The following GLS variants were observed in gnomAD, a reference collection of about 807,000 sequenced individuals.
GLS encodes the protein glutaminase, also known as glutaminase kidney isoform, mitochondrial.
Under a neutral mutation model 86.7 loss-of-function variants are expected in GLS, and 36 were observed. The observed-to-expected ratio is 0.42, with a 90% CI of 0.32 to 0.55. The LOEUF (loss-of-function observed/expected upper bound fraction) is 0.55, where lower values mean the gene tolerates loss of function less well. Among genes scored for constraint, GLS ranks in the 20% least tolerant of loss-of-function variants. The probability of loss-of-function intolerance (pLI) is 0.17; values close to 1 mark genes in which losing one functional copy is unlikely to be tolerated. For synonymous variants in GLS, 317 were observed against 305.9 expected (o/e 1.04, Z -0.38); for missense variants, 528 against 833.4 (o/e 0.63, Z 4.51).
chr2:190,960,249 G>A (rs1366051821), intron 17 of GLS, among the ~76,000 whole-genome samples: 4 of 151,962 alleles, frequency 2.6e-5, no homozygotes, highest in African/African-American at 9.7e-5. Context: ...CTTGATGGTG[G>A]TTTGATATGT....
chr2:190,909,055 C>G (rs1045898940), intron 6 of GLS, among the ~76,000 whole-genome samples: 4 of 152,036 alleles, frequency 2.6e-5, no homozygotes, highest in Non-Finnish European at 4.4e-5. Flanking sequence ...CTAATTTATA[C>G]TAATTTAAAC....
At position 190,914,285 on chromosome 2, in the gene GLS, A is replaced by G. The variant is rs1689452559; in HGVS notation, c.1038+3964A>G. 6.6e-6 allele frequency among the ~76,000 whole-genome samples: 1 copy of G among 152,210 alleles called. No homozygotes were observed. The highest frequency in any genetic ancestry group is 2.1e-4 in the South Asian group (1 of 4,834). On this transcript the variant is annotated intron_variant, in intron 7 of 17. Coordinates refer to ENST00000320717, the MANE Select transcript of GLS (RefSeq NM_014905.5). This position sits in a 1 kb window ranked among gnomAD's most constrained non-coding sequence, Gnocchi z 4.4. Reference sequence around the variant, plus strand: ...TGATGTTCAGTTTGGTTATGTTAGCAATAACCTGTTAGGCATGCTTATAAG... The same window carrying G: ...TGATGTTCAGTTTGGTTATGTTAGCGATAACCTGTTAGGCATGCTTATAAG...
At chr2:190,910,072 A>G (rs923483725) in intron 6 of GLS, among the ~76,000 whole-genome samples, 191 bp from the exon 7 acceptor site, 1 of 152,096 alleles carries the variant, frequency 6.6e-6, no homozygotes, top group African/African-American at 2.4e-5. Context: ...TTATTATTCT[A>G]TGTAAATCAC....
At position 190,905,537 on chromosome 2, in the gene GLS, A is replaced by G. The variant is rs1250693535; in HGVS notation, c.979+370A>G. ...AAATGATAGGTGCATGGGTGTTTGT[A>G]TATTATTCTATCTATTATATTGTAT... On this transcript the variant is annotated intron_variant, in intron 6 of 17. Transcript: ENST00000320717. This position sits in a 1 kb window ranked among gnomAD's most constrained non-coding sequence, Gnocchi z 4.6. Among the ~76,000 whole-genome samples the G allele has an allele frequency of 6.6e-6, 1 of 152,062 alleles. No individual in the cohort carries two copies. The highest frequency in any genetic ancestry group is 1.5e-5 in the Non-Finnish European group (1 of 67,928).
chr2:190,933,745 T>C, intron 14 of GLS: 1 of 769,828 alleles, frequency 1.3e-6, no homozygotes, highest in South Asian at 6.0e-5. Context: ...TTTTGGTTTT[T>C]AGCTTTTACA....
rs1204883796 is a variant in GLS at position 190,962,534 on chromosome 2, A to C, written c.1854-296A>C. On this transcript the variant is annotated intron_variant, in intron 17 of 17. Transcript: ENST00000320717. The surrounding 1 kb of genome is among the most constrained non-coding windows in gnomAD (Gnocchi z 4.2). The stretch of plus-strand genomic sequence containing the variant: ...TTCTGGAACCCTAGAGCAGTCTATT[A>C]TATCTGTCACCACAAGGACTTTCCT... Among the ~76,000 whole-genome samples the C allele has an allele frequency of 6.6e-6, 1 of 152,224 alleles. No individual in the cohort carries two copies.
Position 190,954,522 on chromosome 2 carries a change from G to C in GLS, c.1713-62G>C. The C allele has an allele frequency of 5.6e-6, 6 of 1,066,964 alleles. No individual in the cohort carries two copies. Among genetic ancestry groups the C allele is most frequent in the Non-Finnish European group, 8.4e-6 (6 of 710,598 alleles). 66.1% of individuals were successfully genotyped at this position (1,066,964 alleles called of 1,614,324 possible). On this transcript the variant is annotated intron_variant, in intron 15 of 17. Transcript: ENST00000320717. This position sits in a 1 kb window ranked among gnomAD's most constrained non-coding sequence, Gnocchi z 4.0. The stretch of plus-strand genomic sequence containing the variant: ...CCTTAAATGAACTGATGGAGTGAAT[G>C]TTACCAGTGTGAATTAAATTTGCTT...
At chr2:190,892,394 T>C (rs1428805443) in intron 1 of GLS, among the ~76,000 whole-genome samples, 1 of 152,144 alleles carries the variant, frequency 6.6e-6, no homozygotes, top group Admixed American at 6.6e-5. Context: ...TGTTTTTCTC[T>C]TCAGGGGAAT....
chr2:190,887,479 G>C (rs1688425533), intron 1 of GLS, among the ~76,000 whole-genome samples: 1 of 152,072 alleles, frequency 6.6e-6, no homozygotes, highest in South Asian at 2.1e-4. Flanking sequence ...GTTGCATAAT[G>C]AATAAAACTG....
Position 190,881,008 on chromosome 2 carries a change from C to G in GLS, c.-77C>G. On this transcript the variant is annotated 5_prime_UTR_variant, in exon 1 of 18. Transcript: ENST00000320717. ...GTCATCTCACCGCCCCACCACAGAC[C>G]GCGTTCCCCGAGGAAACCGGCCGCC... 4 of 1,460,342 alleles carry G rather than the reference C, an allele frequency of 2.7e-6. No individual in the cohort carries two copies. In the South Asian group the frequency reaches 4.9e-5, roughly 18 times the overall value. 90.5% of individuals were successfully genotyped at this position (1,460,342 alleles called of 1,614,324 possible). A position where few individuals can be genotyped will look rare whatever the true frequency, so the allele number is the denominator to read the frequency against.
At chr2:190,933,924 A>G (rs1485583805) in intron 14 of GLS, 1 of 915,894 alleles carries the variant, frequency 1.1e-6, no homozygotes, top group Non-Finnish European at 1.3e-6. Context: ...TTTATTTGGT[A>G]TAAAAATGCA....
At chr2:190,945,496 AC>A (rs1325450339) in intron 14 of GLS, among the ~76,000 whole-genome samples, 1 of 151,438 alleles carries the variant, frequency 6.6e-6, no homozygotes, top group Non-Finnish European at 1.5e-5. Flanking sequence ...CCCCGTCTCT[AC>A]AAAAAAATAA....
intron 4 of GLS, 144 bp from the exon 5 acceptor site, chr2:190,901,803 G>T: frequency 1.6e-6 from 1 of 609,090 alleles, no homozygotes. Flanking sequence ...CATTGTTACA[G>T]AAGATAGACT....
rs1334005137 is a variant in GLS, at chr2:190,913,786, T to C, written c.1038+3465T>C. 1.0e-6 allele frequency: 1 copy of C among 964,372 alleles called. No homozygotes were observed. The highest frequency in any genetic ancestry group is 1.2e-6 in the Non-Finnish European group (1 of 810,856). The allele number at this position is 964,372 out of a possible 1,614,324, so 59.7% of individuals were successfully genotyped here. On this transcript the variant is annotated intron_variant, in intron 7 of 17. Transcript: ENST00000320717. The surrounding 1 kb of genome is among the most constrained non-coding windows in gnomAD (Gnocchi z 6.1). ...AAAGTTACACTGTCTTCTATGTTTT[T>C]ACCTCTCAGAGTTTTTTGTTTTTTG...
intron 14 of GLS, chr2:190,932,779 T>C: frequency 6.2e-7 from 1 of 1,604,952 alleles, no homozygotes; most frequent in Non-Finnish European, 8.5e-7. Flanking sequence ...AGAGACAGTA[T>C]GGAAAAAAGT....
chr2:190,927,952 A>G (rs929944123), intron 12 of GLS, among the ~76,000 whole-genome samples: 1 of 152,020 alleles, frequency 6.6e-6, no homozygotes, highest in Non-Finnish European at 1.5e-5. Flanking sequence ...AAGTATATAG[A>G]CTTTTTTTAT....
At chr2:190,923,868 C>T in intron 9 of GLS, 49 bp from the exon 10 acceptor site, 2 of 1,104,756 alleles carry the variant, frequency 1.8e-6, no homozygotes, top group African/African-American at 1.6e-5. Flanking sequence ...TGAACAATCA[C>T]ACTTTTAAAG....
At chr2:190,932,813 T>A in intron 14 of GLS, 1 of 1,604,922 alleles carries the variant, frequency 6.2e-7, no homozygotes, top group Non-Finnish European at 8.5e-7. Flanking sequence ...AATGAGGACA[T>A]CTCTACAACT....
At position 190,923,962 on chromosome 2, in the gene GLS, A is replaced by T; in HGVS notation, c.1176A>T (p.Gly392=). Residue 392 remains glycine, a synonymous_variant, in exon 10 of 18, where the codon GGA becomes GGT. Coordinates refer to ENST00000320717, the MANE Select transcript of GLS (RefSeq NM_014905.5). The part of the protein sequence containing the change: ...RESGDRNFAI[G]YYLKEKKCFP... ...GTGGAGATCGAAATTTTGCAATAGGATATTACTTAAAAGAAAAGAAGGTTT... is the reference window on the plus strand; with the variant it reads ...GTGGAGATCGAAATTTTGCAATAGGTTATTACTTAAAAGAAAAGAAGGTTT... The T allele has an allele frequency of 6.6e-7, 1 of 1,514,968 alleles. No individual in the cohort carries two copies. The highest frequency in any genetic ancestry group is 9.1e-7 in the Non-Finnish European group (1 of 1,100,982). 93.8% of individuals were successfully genotyped at this position (1,514,968 alleles called of 1,614,324 possible). A position where few individuals can be genotyped will look rare whatever the true frequency, so the allele number is the denominator to read the frequency against.
Sources: gnomAD v4.1 joint callset for allele counts (sites outside exome capture counted in the v4.1 genomes callset) on GRCh38, gnomAD v4.1.1 for gene constraint, Gnocchi (gnomAD v3.1) non-coding constraint, MANE v1.5 for transcripts, NCBI Gene and HGNC (gene_info 2026-07-23, HGNC 2026-07-21) for gene names.